Variants in ITGB6 observed in about 807,000 individuals in gnomAD.
ITGB6 encodes integrin beta-6.
In ITGB6, 80 loss-of-function variants were observed where a neutral mutation model predicts 84.5. The observed-to-expected ratio is 0.95, with a 90% CI of 0.79 to 1.14. The LOEUF (loss-of-function observed/expected upper bound fraction) is 1.14, where lower values mean the gene tolerates loss of function less well. Among genes scored for constraint, ITGB6 ranks in the 50% most tolerant of loss-of-function variants. The probability of loss-of-function intolerance (pLI) is 0.00; values close to 1 mark genes in which losing one functional copy is unlikely to be tolerated. For synonymous variants in ITGB6, 383 were observed against 354.9 expected, an observed-to-expected ratio of 1.08 and a Z score of -0.89; for missense variants, 1,006 against 968.0, an observed-to-expected ratio of 1.04 and a Z score of -0.52.
chr2:160,158,457 G>A (rs553715129), intron 7 of ITGB6, among the ~76,000 whole-genome samples: 17 of 152,260 alleles, frequency 1.1e-4, no homozygotes, highest in African/African-American at 3.9e-4. Context: ...AGAACAAAGA[G>A]GCTACATTGA....
intron 13 of ITGB6, among the ~76,000 whole-genome samples, chr2:160,108,304 A>G (rs1696992568): frequency 6.6e-6 from 1 of 151,066 alleles, no homozygotes; most frequent in Non-Finnish European, 1.5e-5. Flanking sequence ...TGGGGAGTCT[A>G]GAAGACTATA....
intron 7 of ITGB6, 137 bp downstream of exon 7, chr2:160,169,075 A>G (rs1685106709): frequency 3.6e-6 from 2 of 558,602 alleles, no homozygotes; most frequent in South Asian, 5.4e-5. Flanking sequence ...GAGTCCACTT[A>G]GCCAAGCGCC....
chr2:160,146,944 A>G (rs1684219985), intron 7 of ITGB6, among the ~76,000 whole-genome samples: 1 of 152,044 alleles, frequency 6.6e-6, no homozygotes, highest in South Asian at 2.1e-4. Context: ...TACAAAAAAT[A>G]CAGAAATTAG....
At chr2:160,122,615 A>G (rs1309449940) in intron 12 of ITGB6, among the ~76,000 whole-genome samples, 1 of 152,178 alleles carries the variant, frequency 6.6e-6, no homozygotes, top group Non-Finnish European at 1.5e-5. Flanking sequence ...CGCCTTTGGT[A>G]GTAATGTAAG....
Position 160,100,928 on chromosome 2 carries a change from A to G in ITGB6, c.*808T>C, listed in dbSNP as rs1696692786. The G allele has an allele frequency of 6.6e-6, 1 of 152,194 alleles. No homozygotes were observed. The highest frequency in any genetic ancestry group is 6.5e-5 in the Admixed American group (1 of 15,288). The allele number at this position is 152,194 out of a possible 1,614,324, so 9.4% of individuals were successfully genotyped here. A position where few individuals can be genotyped will look rare whatever the true frequency, so the allele number is the denominator to read the frequency against. On this transcript the variant is annotated 3_prime_UTR_variant, in exon 15 of 15. Transcript: ENST00000283249. Reference sequence around the variant, plus strand: ...TTTGGTATGACAATTACAGGGTTTAAAAGACTGTGCAACTGAGTGAAATGG... The same window carrying G: ...TTTGGTATGACAATTACAGGGTTTAGAAGACTGTGCAACTGAGTGAAATGG...
At chr2:160,126,983 T>C (rs1683269533) in intron 10 of ITGB6, among the ~76,000 whole-genome samples, 1 of 152,210 alleles carries the variant, frequency 6.6e-6, no homozygotes, top group Non-Finnish European at 1.5e-5. Context: ...CCTTATTATA[T>C]ACCCTTCTCC....
At chr2:160,138,319 G>GA in intron 8 of ITGB6, 120 bp from the exon 9 acceptor site, 1 of 898,712 alleles carries the variant, frequency 1.1e-6, no homozygotes, top group African/African-American at 1.7e-5. Context: ...GGTGTCTAAA[G>GA]AAATTCAGTA....
intron 4 of ITGB6, among the ~76,000 whole-genome samples, chr2:160,188,812 G>C (rs903708494): frequency 1.3e-5 from 2 of 151,812 alleles, no homozygotes; most frequent in Non-Finnish European, 2.9e-5. Context: ...TACCACATTG[G>C]CCAGGCTGGT....
chr2:160,134,480 G>A (rs1288857183), intron 10 of ITGB6, among the ~76,000 whole-genome samples: 1 of 152,136 alleles, frequency 6.6e-6, no homozygotes, highest in Non-Finnish European at 1.5e-5. Flanking sequence ...AGAGGTACAA[G>A]GAGGAGCTGG....
intron 12 of ITGB6, among the ~76,000 whole-genome samples, chr2:160,117,207 A>G (rs1484123882): frequency 6.6e-6 from 1 of 152,110 alleles, no homozygotes; most frequent in African/African-American, 2.4e-5. Context: ...TCAACAGAAT[A>G]TACATTTTTT....
chr2:160,106,383 GTGA>G (rs1286406263), intron 14 of ITGB6, among the ~76,000 whole-genome samples: 8 of 152,080 alleles, frequency 5.3e-5, no homozygotes, highest in African/African-American at 1.9e-4. Context: ...GACTACAGGT[GTGA>G]ACCACCATGC....
chr2:160,148,593 C>T (rs899657595), intron 7 of ITGB6, among the ~76,000 whole-genome samples: 2 of 152,192 alleles, frequency 1.3e-5, no homozygotes, highest in Non-Finnish European at 2.9e-5. Context: ...CTCATTGGGA[C>T]TGGCTGGACA....
At chr2:160,188,939 C>G (rs149238213) in intron 4 of ITGB6, among the ~76,000 whole-genome samples, 1 of 152,026 alleles carries the variant, frequency 6.6e-6, no homozygotes, top group Non-Finnish European at 1.5e-5. Context: ...ATCACGCTAC[C>G]GGACTTCAAA....
intron 7 of ITGB6, among the ~76,000 whole-genome samples, chr2:160,168,491 A>G (rs1685088192): frequency 1.3e-5 from 2 of 152,240 alleles, no homozygotes; most frequent in South Asian, 4.1e-4. Context: ...CTTCTCTGTA[A>G]AACTGCAGGA....
rs1352010194 is a variant in ITGB6 at position 160,138,059 on chromosome 2, A to G, written c.1242+6T>C. 1 of 1,610,444 alleles carries G rather than the reference A, an allele frequency of 6.2e-7. No homozygotes were observed. Among genetic ancestry groups the G allele is most frequent in the Non-Finnish European group, 8.5e-7 (1 of 1,178,598 alleles). The stretch of plus-strand genomic sequence containing the variant: ...TATTCAGACTATCTACTGGCCAGCT[A>G]CTTACTGTGTCTCCCACTTTCATGT... On this transcript the variant is annotated splice_donor_region_variant and intron_variant, in intron 9 of 14. Transcript: ENST00000283249.
At chr2:160,176,158 C>T (rs527608965) in intron 4 of ITGB6, among the ~76,000 whole-genome samples, 4 of 152,320 alleles carry the variant, frequency 2.6e-5, no homozygotes, top group Admixed American at 6.5e-5. Flanking sequence ...TGTCCCAAGA[C>T]GACCACCCCA....
At chr2:160,130,131 C>T (rs1468510296) in intron 10 of ITGB6, among the ~76,000 whole-genome samples, 1 of 152,052 alleles carries the variant, frequency 6.6e-6, no homozygotes, top group Non-Finnish European at 1.5e-5. Context: ...CAAACCTATA[C>T]AATATGTTAC....
In ITGB6 at chr2:160,126,425, T is replaced by C. The variant is rs775693403; in HGVS notation, c.1837A>G (p.Thr613Ala). Residue 613 changes from threonine (T) to alanine (A), a missense_variant, in exon 11 of 15, where the codon ACC (threonine) becomes GCC (alanine). Thr to Ala is a moderately conservative substitution (Grantham distance 58). Coordinates refer to ENST00000283249, the MANE Select transcript of ITGB6 (RefSeq NM_000888.5). ...CCACAGGTAGGACATCGTTCACAGG[T>C]TGGTCCTGAGGCTCCAGGGTTTGTG... Reference protein sequence around the residue: ...VCTNPGASGPTCERCPTCGDP... With the variant: ...VCTNPGASGPACERCPTCGDP... 9 of 1,614,050 alleles carry C rather than the reference T, an allele frequency of 5.6e-6. No individual in the cohort carries two copies. In the East Asian group the frequency reaches 2.0e-4, roughly 36 times the overall value.
intron 10 of ITGB6, among the ~76,000 whole-genome samples, chr2:160,129,436 C>T (rs565568770): frequency 5.3e-5 from 8 of 150,828 alleles, no homozygotes; most frequent in African/African-American, 2.0e-4. Context: ...CATTTTGCCT[C>T]CCAAGTTTTG....
Sources: allele counts gnomAD v4.1 joint callset (sites outside exome capture counted in the v4.1 genomes callset), GRCh38; gene constraint gnomAD v4.1.1; transcripts MANE v1.5; gene names NCBI Gene and HGNC (gene_info 2026-07-23, HGNC 2026-07-21).